Variants in ABCC11 observed in about 807,000 individuals in gnomAD.
The protein encoded by ABCC11 is ATP-binding cassette sub-family C member 11.
A neutral mutation model predicts 149.3 loss-of-function variants in ABCC11; 135 were observed. The observed-to-expected ratio is 0.90, with a 90% CI of 0.79 to 1.04. ABCC11 has a LOEUF of 1.04. ABCC11 is among the 50% of genes least tolerant of loss of function. The pLI, the probability that ABCC11 is intolerant of heterozygous loss-of-function variation, is 0.00. For missense variants in ABCC11, 1,680 were observed against 1,722.1 expected (o/e 0.98, Z 0.43); for synonymous variants, 665 against 671.4 (o/e 0.99, Z 0.15).
intron 13 of ABCC11, 84 bp from the exon 14 acceptor site, chr16:48,203,384 AT>A: frequency 7.8e-7 from 1 of 1,285,008 alleles, no homozygotes. Context: ...AATGGTCTTG[AT>A]TTTCATGCTA....
chr16:48,230,568 G>C lies in ABCC11; in HGVS notation c.105C>G (p.Thr35=), dbSNP rs2150918804. ...TCCAGGGGCCATCTTGGAGAGTATA[G>C]GTTTTCTTGGAAAAGAAAAACAAAA... is the stretch of plus-strand genomic sequence containing the variant. The part of the protein sequence containing the change: ...DDMVSGLIYK[T]YTLQDGPWSQ... The change falls in exon 3 of 30, where the codon ACC becomes ACG. Residue 35 remains threonine, a synonymous_variant. Transcript: ENST00000356608. 3 of 1,569,082 alleles carry C rather than the reference G, an allele frequency of 1.9e-6. 1 individual carries two copies. The East Asian group carries it at 6.9e-5, about 36-fold the overall frequency.
At chr16:48,193,849 AAC>A in intron 19 of ABCC11, 28 bp downstream of exon 19, 1 of 1,577,484 alleles carries the variant, frequency 6.3e-7, no homozygotes, top group Middle Eastern at 1.8e-4. Flanking sequence ...AGCCCATAGA[AAC>A]ACAGCCCATC....
intron 1 of ABCC11, among the ~76,000 whole-genome samples, chr16:48,246,521 C>T (rs898697861): frequency 3.3e-5 from 5 of 152,146 alleles, no homozygotes; most frequent in Non-Finnish European, 5.9e-5. Flanking sequence ...TTAAGTTTCA[C>T]TATTTGTTGG....
In ABCC11 at chr16:48,170,911, T is replaced by TC. The variant is rs1413114236; in HGVS notation, c.3754dup (p.Glu1252GlyfsTer52). 1 of 1,613,956 alleles carries TC rather than the reference T, an allele frequency of 6.2e-7. No individual in the cohort carries two copies. The highest frequency in any genetic ancestry group is 1.3e-5 in the African/African-American group (1 of 75,038). ...TACGGCCTTGGTCAGGAATGTCCTC[T>TC]CCAAGGCATCCCAGATCTGCTGGTC... On this transcript the variant is annotated frameshift_variant, in exon 27 of 30. Coordinates refer to ENST00000356608, the MANE Select transcript of ABCC11 (RefSeq NM_001370497.1). LOFTEE classifies it high-confidence loss of function.
At chr16:48,209,781 C>T (rs1968761423) in intron 11 of ABCC11, 1 of 152,250 alleles carries the variant, frequency 6.6e-6, no homozygotes, top group Admixed American at 6.5e-5. Flanking sequence ...TCGACTTCAC[C>T]ACAATACAAC....
At chr16:48,245,374 T>G (rs1391070024) in intron 1 of ABCC11, among the ~76,000 whole-genome samples, 2 of 152,196 alleles carry the variant, frequency 1.3e-5, no homozygotes, top group Non-Finnish European at 2.9e-5. Context: ...TAACCTCTAT[T>G]TCTTTTATTC....
In ABCC11 at chr16:48,170,150, C is replaced by G; in HGVS notation, c.3846G>C (p.Glu1282Asp). 1 of 1,614,132 alleles carries G rather than the reference C, an allele frequency of 6.2e-7. No homozygotes were observed. Among genetic ancestry groups the G allele is most frequent in the African/African-American group, 1.3e-5 (1 of 75,038 alleles). The part of the protein sequence containing the change: ...VENGGNFSVG[E>D]RQLLCIARAV... ...CCCTGGCAATGCAGAGCAGCTGCCT[C>G]TCCCCCACAGAGAAGTTTCCACCGT... The change falls in exon 28 of 30, where the codon GAG becomes GAC. Residue 1282 changes from glutamate to aspartate, a missense_variant. Physicochemically the swap from Glu to Asp is conservative, Grantham distance 45 (BLOSUM62 2). Coordinates refer to ENST00000356608, the MANE Select transcript of ABCC11 (RefSeq NM_001370497.1).
chr16:48,201,474 C>CTTTTTTTTTTTTTT (rs560323114), intron 14 of ABCC11, among the ~76,000 whole-genome samples: 1 of 123,456 alleles, frequency 8.1e-6, no homozygotes, highest in Non-Finnish European at 1.7e-5. Flanking sequence ...TTTTCTTTTT[C>CTTTTTTTTTTTTTT]TTTTTTTTTT....
intron 6 of ABCC11, among the ~76,000 whole-genome samples, chr16:48,220,882 G>T (rs1448966682): frequency 1.3e-5 from 2 of 152,198 alleles, no homozygotes; most frequent in Non-Finnish European, 2.9e-5. Flanking sequence ...AATCTGAAAT[G>T]GTTTGTGTCT....
intron 21 of ABCC11, 32 bp downstream of exon 21, chr16:48,187,169 C>T (rs904380193): frequency 6.2e-7 from 1 of 1,613,452 alleles, no homozygotes; most frequent in African/African-American, 1.3e-5. Flanking sequence ...CAGCCTTGCT[C>T]CCCAAGTCAC....
intron 6 of ABCC11, among the ~76,000 whole-genome samples, chr16:48,219,056 G>A (rs1969545486): frequency 6.6e-6 from 1 of 152,096 alleles, no homozygotes; most frequent in Non-Finnish European, 1.5e-5. Context: ...AAAACCAAGA[G>A]GAGGACGCTA....
chr16:48,227,937 A>C lies in ABCC11; in HGVS notation c.264T>G (p.Asn88Lys). The stretch of plus-strand genomic sequence containing the variant: ...CGGTGAGGTAGGAGAACAGGCCAGC[A>C]TTGTCCAGGGGCTGGGGGGCAGGAA... ...PRFPAPQPLD[N>K]AGLFSYLTVS... Residue 88 changes from asparagine (N) to lysine (K), a missense_variant, in exon 4 of 30, where the codon AAT becomes AAG. Transcript: ENST00000356608. 6.2e-7 allele frequency: 1 copy of C among 1,613,900 alleles called. No individual in the cohort carries two copies. Among genetic ancestry groups the C allele is most frequent in the Non-Finnish European group, 8.5e-7 (1 of 1,179,928 alleles).
At chr16:48,242,596 C>G (rs928394286) in intron 1 of ABCC11, among the ~76,000 whole-genome samples, 1 of 152,194 alleles carries the variant, frequency 6.6e-6, no homozygotes, top group African/African-American at 2.4e-5. Flanking sequence ...CACACACACA[C>G]GTATGCTTAC....
rs1337372193 is a variant in ABCC11, at chr16:48,216,296, C to A, written c.778-9G>T. ...GTGAAGAAGCTGATGGCCTGCAAGA[C>A]AGCAAGTTGATGGGCACAGATGTCA... is the stretch of plus-strand genomic sequence containing the variant. On this transcript the variant is annotated splice_polypyrimidine_tract_variant and intron_variant, in intron 6 of 29. Coordinates refer to ENST00000356608, the MANE Select transcript of ABCC11 (RefSeq NM_001370497.1). The A allele has an allele frequency of 6.2e-7, 1 of 1,611,510 alleles. No individual in the cohort carries two copies. Among genetic ancestry groups the A allele is most frequent in the Admixed American group, 1.7e-5 (1 of 59,992 alleles).
At chr16:48,187,840 C>A (rs1226242533) in intron 20 of ABCC11, among the ~76,000 whole-genome samples, 1 of 152,086 alleles carries the variant, frequency 6.6e-6, no homozygotes, top group African/African-American at 2.4e-5. Flanking sequence ...CAGAGCAGTG[C>A]CTGCCCCTGA....
chr16:48,194,617 G>A (rs1341239492), intron 18 of ABCC11, among the ~76,000 whole-genome samples: 1 of 152,214 alleles, frequency 6.6e-6, no homozygotes, highest in Non-Finnish European at 1.5e-5. Flanking sequence ...TGAGGATGGA[G>A]CCCTCATGAG....
chr16:48,229,235 A>G (rs965102970), intron 3 of ABCC11, among the ~76,000 whole-genome samples: 1 of 152,058 alleles, frequency 6.6e-6, no homozygotes, highest in African/African-American at 2.4e-5. Flanking sequence ...AACAGAAACA[A>G]TATATTTATC....
chr16:48,174,797 T>C (rs550802760), intron 26 of ABCC11, among the ~76,000 whole-genome samples: 18 of 152,306 alleles, frequency 1.2e-4, no homozygotes, highest in African/African-American at 4.1e-4. Flanking sequence ...AGGGTTTTGT[T>C]TCTGTTTTTT....
intron 25 of ABCC11, 101 bp downstream of exon 25, chr16:48,176,823 A>G: frequency 7.4e-7 from 1 of 1,345,552 alleles, no homozygotes; most frequent in Non-Finnish European, 1.0e-6. Flanking sequence ...GACCTAATAC[A>G]TATTTGGGGG....
Sources: gnomAD v4.1 joint callset for allele counts (sites outside exome capture counted in the v4.1 genomes callset) on GRCh38, gnomAD v4.1.1 for gene constraint, MANE v1.5 for transcripts, NCBI Gene and HGNC (gene_info 2026-07-23, HGNC 2026-07-21) for gene names.